Variants in OTUD4 observed in about 807,000 individuals in gnomAD.
OTUD4 encodes the protein OTU deubiquitinase 4.
OTUD4 carries 24 observed loss-of-function variants against 130.4 expected under a neutral mutation model. The observed-to-expected ratio is 0.18, with a 90% confidence interval of 0.13 to 0.26. The LOEUF (loss-of-function observed/expected upper bound fraction) is 0.26. Among genes scored for constraint, OTUD4 ranks in the 10% least tolerant of loss-of-function variants. The pLI is 1.00. For synonymous variants in OTUD4, 420 were observed against 472.5 expected (o/e 0.89, Z 1.44); for missense variants, 1,031 against 1,329.4 (o/e 0.78, Z 3.49).
chr4:145,157,303 A>G (rs367557565), intron 7 of OTUD4, among the ~76,000 whole-genome samples: 1 of 152,214 alleles, frequency 6.6e-6, no homozygotes, highest in East Asian at 1.9e-4. Flanking sequence ...ATACTCCCCA[A>G]GTATCAAGGG....
intron 5 of OTUD4, among the ~76,000 whole-genome samples, 176 bp from the exon 6 acceptor site, chr4:145,162,897 T>G (rs1457818217): frequency 6.6e-6 from 1 of 152,186 alleles, no homozygotes; most frequent in African/African-American, 2.4e-5. Flanking sequence ...TATGCTGAAA[T>G]GTTATATAAA....
chr4:145,149,541 G>C (rs938220142), intron 13 of OTUD4: 5 of 152,074 alleles, frequency 3.3e-5, no homozygotes, highest in African/African-American at 4.8e-5. Flanking sequence ...TTCTTTTTAA[G>C]ACTAGCCAAC....
intron 11 of OTUD4, among the ~76,000 whole-genome samples, chr4:145,151,161 A>C (rs1040349236): frequency 6.6e-5 from 10 of 152,226 alleles, no homozygotes; most frequent in African/African-American, 2.2e-4. Flanking sequence ...AGTTAAATAA[A>C]TACAGAATGA....
At chr4:145,142,027 G>A (rs2126742111) in intron 18 of OTUD4, among the ~76,000 whole-genome samples, 169 bp downstream of exon 18, 1 of 152,280 alleles carries the variant, frequency 6.6e-6, no homozygotes, top group Middle Eastern at 3.4e-3. Flanking sequence ...AACACCAAAT[G>A]TACATGGTCT....
intron 14 of OTUD4, among the ~76,000 whole-genome samples, chr4:145,145,906 G>T (rs1441701428): frequency 6.6e-6 from 1 of 152,140 alleles, no homozygotes; most frequent in African/African-American, 2.4e-5. Flanking sequence ...TCTCAAAAGG[G>T]CTTCCTGATT....
Position 145,162,626 on chromosome 4 carries a change from A to C in OTUD4, c.496+14T>G, listed in dbSNP as rs1751634583. ...GGAATATAATTTCCCATATAAACAC[A>C]AGGTGATACTTACACTGACACATAG... On this transcript the variant is annotated intron_variant, in intron 6 of 20. Coordinates refer to ENST00000447906, the MANE Select transcript of OTUD4 (RefSeq NM_001366057.1). 8 of 1,251,308 alleles carry C rather than the reference A, an allele frequency of 6.4e-6. No homozygotes were observed. The East Asian group carries it at 2.0e-4, about 31-fold the overall frequency. The allele number at this position is 1,251,308 out of a possible 1,614,324, so 77.5% of individuals were successfully genotyped here.
rs1038372166 is a variant in OTUD4 at position 145,134,706 on chromosome 4, C to A, written c.*2724G>T. On this transcript the variant is annotated 3_prime_UTR_variant, in exon 21 of 21. Coordinates refer to ENST00000447906, the MANE Select transcript of OTUD4 (RefSeq NM_001366057.1). ...AAACAGTATGAGGACTACACAGATG[C>A]CAGCATCCTGCTGCCAAGGAGACAT... 2 of 398,738 alleles carry A rather than the reference C, an allele frequency of 5.0e-6. No individual in the cohort carries two copies. The highest frequency in any genetic ancestry group is 4.1e-5 in the African/African-American group (2 of 48,600). The allele number at this position is 398,738 out of a possible 1,614,324, so 24.7% of individuals were successfully genotyped here.
At position 145,150,841 on chromosome 4, in the gene OTUD4, T is replaced by C. The variant is rs1751035068; in HGVS notation, c.1033A>G (p.Met345Val). The change falls in exon 12 of 21, where the codon ATG becomes GTG. Residue 345 changes from methionine (M) to valine (V), a missense_variant. Around this residue, in one of 3 missense-constraint regions of OTUD4, gnomAD observed 900 missense variants for 1,095.9 expected, o/e 0.82. Coordinates refer to ENST00000447906, the MANE Select transcript of OTUD4 (RefSeq NM_001366057.1). ...ESWNTVSGKK[M>V]KKPSTSGQNF... Reference sequence around the variant, plus strand: ...TGTCCAGAAGTGGAAGGTTTTTTCATCTTCTTCCCTGACACTGTGTTCCAG... The same window carrying C: ...TGTCCAGAAGTGGAAGGTTTTTTCACCTTCTTCCCTGACACTGTGTTCCAG... 4 of 1,613,862 alleles carry C rather than the reference T, an allele frequency of 2.5e-6. No individual in the cohort carries two copies. Among genetic ancestry groups the C allele is most frequent in the African/African-American group, 1.3e-5 (1 of 74,926 alleles).
chr4:145,166,677 T>TA, intron 3 of OTUD4, among the ~76,000 whole-genome samples: 2 of 152,006 alleles, frequency 1.3e-5, no homozygotes, highest in Non-Finnish European at 2.9e-5. Flanking sequence ...CCATCTCTAC[T>TA]AAAAATACAA....
intron 7 of OTUD4, 123 bp from the exon 8 acceptor site, chr4:145,156,119 C>T: frequency 1.5e-6 from 1 of 672,994 alleles, no homozygotes; most frequent in South Asian, 2.2e-5. Context: ...TTCCAGTGAG[C>T]TCATACAAGT....
intron 14 of OTUD4, 58 bp downstream of exon 14, chr4:145,146,209 A>G: frequency 2.6e-6 from 3 of 1,171,054 alleles, no homozygotes; most frequent in Middle Eastern, 2.1e-4. Flanking sequence ...CTTAATCTAA[A>G]AACTATATTA....
At chr4:145,175,249 T>C (rs1053239196) in intron 1 of OTUD4, among the ~76,000 whole-genome samples, 1 of 152,224 alleles carries the variant, frequency 6.6e-6, no homozygotes, top group Admixed American at 6.5e-5. Context: ...AAGTCCACTA[T>C]GGTTTCAGAA....
At chr4:145,156,108 A>C in intron 7 of OTUD4, 112 bp from the exon 8 acceptor site, 1 of 759,204 alleles carries the variant, frequency 1.3e-6, no homozygotes. Context: ...AAAGAGCTAT[A>C]TTCCAGTGAG....
rs1439229911 is a variant in OTUD4 at position 145,138,319 on chromosome 4, G to C, written c.2456C>G (p.Pro819Arg). The C allele has an allele frequency of 6.2e-7, 1 of 1,614,110 alleles. No homozygotes were observed. The highest frequency in any genetic ancestry group is 1.7e-5 in the Admixed American group (1 of 60,006). ...SYQADLESET[P>R]GQLLHADYEE... Reference sequence around the variant, plus strand: ...ATAATCAGCATGCAGAAGCTGCCCAGGGGTCTCAGATTCAAGATCAGCCTG... The same window carrying C: ...ATAATCAGCATGCAGAAGCTGCCCACGGGTCTCAGATTCAAGATCAGCCTG... Residue 819 changes from proline to arginine, a missense_variant, in exon 21 of 21, where the codon CCT becomes CGT. By Grantham distance (103) the Pro-to-Arg change is moderately radical. Around this residue, in one of 3 missense-constraint regions of OTUD4, gnomAD observed 900 missense variants for 1,095.9 expected, o/e 0.82. Transcript: ENST00000447906.
At chr4:145,147,103 CT>C (rs1274066622) in intron 13 of OTUD4, among the ~76,000 whole-genome samples, 1 of 152,150 alleles carries the variant, frequency 6.6e-6, no homozygotes, top group Non-Finnish European at 1.5e-5. Flanking sequence ...TGGCTTATAA[CT>C]ATCAAAAGCA....
At chr4:145,163,456 T>G (rs1043319849) in intron 5 of OTUD4, among the ~76,000 whole-genome samples, 1 of 152,172 alleles carries the variant, frequency 6.6e-6, no homozygotes. Context: ...TGAGTAAAAT[T>G]TACACTAGGG....
chr4:145,159,901 A>T (rs1188233327), intron 6 of OTUD4, among the ~76,000 whole-genome samples: 1 of 152,258 alleles, frequency 6.6e-6, no homozygotes, highest in East Asian at 1.9e-4. Context: ...AAAAGGTATC[A>T]CAACTGTGAA....
chr4:145,154,188 A>C (rs1751180881), intron 10 of OTUD4, among the ~76,000 whole-genome samples: 1 of 152,206 alleles, frequency 6.6e-6, no homozygotes, highest in Non-Finnish European at 1.5e-5. Flanking sequence ...CCCTGGATTT[A>C]ATCTCATTTG....
rs1464260833 is a variant in OTUD4 at position 145,135,738 on chromosome 4, GCTCT to G, written c.*1688_*1691del. 2.0e-5 allele frequency: 3 copies of G among 152,566 alleles called. No homozygotes were observed. The highest frequency in any genetic ancestry group is 3.8e-4 in the East Asian group (2 of 5,196). The allele number at this position is 152,566 out of a possible 1,614,324, so 9.5% of individuals were successfully genotyped here. On this transcript the variant is annotated 3_prime_UTR_variant, in exon 21 of 21. Coordinates refer to ENST00000447906, the MANE Select transcript of OTUD4 (RefSeq NM_001366057.1). ...ATAATAAAATGTTATCTTTCAAAGT[GCTCT>G]CTAAAATCCTGTTACATTATCTAAA...
Sources: gnomAD v4.1 joint callset for allele counts (sites outside exome capture counted in the v4.1 genomes callset) on GRCh38, gnomAD v4.1.1 for gene constraint, gnomAD v4.1.1 regional missense constraint, MANE v1.5 for transcripts, NCBI Gene and HGNC (gene_info 2026-07-23, HGNC 2026-07-21) for gene names.